The following IQGAP2 variants were observed in gnomAD, a reference collection of about 807,000 sequenced individuals.
IQGAP2 encodes the protein ras GTPase-activating-like protein IQGAP2.
A neutral mutation model predicts 201.3 loss-of-function variants in IQGAP2; 173 were observed. That is an observed-to-expected ratio of 0.86 (90% CI 0.76 to 0.98). The LOEUF is 0.98. IQGAP2 is among the 50% of genes least tolerant of loss of function. The pLI is 0.00. For missense variants in IQGAP2, 1,687 were observed against 1,864.8 expected (o/e 0.90, Z 1.76); for synonymous variants, 675 against 673.9 (o/e 1.00, Z -0.03).
intron 2 of IQGAP2, among the ~76,000 whole-genome samples, chr5:76,475,536 C>T (rs568978374): frequency 2.6e-5 from 4 of 152,188 alleles, no homozygotes; most frequent in South Asian, 2.1e-4. Flanking sequence ...AAGATCGAGA[C>T]CCACCAGGGG....
rs111474139 is a variant in IQGAP2, at chr5:76,609,495, A to G, written c.1358-1525A>G. 8.7e-3 allele frequency among the ~76,000 whole-genome samples: 1,320 copies of G among 152,310 alleles called. 27 individuals carry two copies. The highest frequency in any genetic ancestry group is 0.03 in the African/African-American group (1,232 of 41,568). On this transcript the variant is annotated intron_variant, in intron 12 of 35. Transcript: ENST00000274364. ...GATGGTTTCATTCTTCTTACAGGTAAATCTTTTCATTCTTAACGAAGTGGT... is the reference window on the plus strand; with the variant it reads ...GATGGTTTCATTCTTCTTACAGGTAGATCTTTTCATTCTTAACGAAGTGGT...
chr5:76,555,502 A>G (rs1353049640), intron 2 of IQGAP2, among the ~76,000 whole-genome samples: 1 of 152,202 alleles, frequency 6.6e-6, no homozygotes, highest in African/African-American at 2.4e-5. Flanking sequence ...TGATTGTTAC[A>G]GGAAGTTTGA....
chr5:76,452,808 C>T (rs944127285), intron 1 of IQGAP2, among the ~76,000 whole-genome samples: 1 of 151,990 alleles, frequency 6.6e-6, no homozygotes, highest in African/African-American at 2.4e-5. Flanking sequence ...CTGCCATTTA[C>T]CTGTTTTTAT....
At chr5:76,517,689 T>C (rs997875281) in intron 2 of IQGAP2, among the ~76,000 whole-genome samples, 1 of 148,746 alleles carries the variant, frequency 6.7e-6, no homozygotes, top group Non-Finnish European at 1.5e-5. Context: ...ACCAGAGGAG[T>C]TGGGAATTGG....
At chr5:76,513,648 A>G (rs1758124820) in intron 2 of IQGAP2, among the ~76,000 whole-genome samples, 1 of 152,214 alleles carries the variant, frequency 6.6e-6, no homozygotes, top group Non-Finnish European at 1.5e-5. Context: ...AGTACATGAC[A>G]CCGTGGAAAA....
intron 30 of IQGAP2, among the ~76,000 whole-genome samples, chr5:76,692,017 A>T (rs1437158046): frequency 1.3e-5 from 2 of 152,254 alleles, no homozygotes; most frequent in East Asian, 3.8e-4. Flanking sequence ...ACTCTGAAAT[A>T]ACTAAAGTTA....
intron 1 of IQGAP2, among the ~76,000 whole-genome samples, chr5:76,459,894 C>T (rs1754333628): frequency 6.6e-6 from 1 of 152,158 alleles, no homozygotes; most frequent in Non-Finnish European, 1.5e-5. Context: ...CTGCCTCGAC[C>T]TCCCAAAGTG....
intron 2 of IQGAP2, among the ~76,000 whole-genome samples, chr5:76,554,649 AAGAC>A (rs990058497): frequency 2.6e-5 from 4 of 152,244 alleles, no homozygotes; most frequent in Non-Finnish European, 4.4e-5. Context: ...TGTAATCAAA[AAGAC>A]AGAAGAATAT....
intron 1 of IQGAP2, among the ~76,000 whole-genome samples, chr5:76,441,749 T>C (rs568929790): frequency 2.0e-5 from 3 of 152,238 alleles, no homozygotes; most frequent in East Asian, 1.9e-4. Context: ...GTAAAAGATA[T>C]CAAAACTAAA....
chr5:76,429,076 C>CAA (rs58775525), intron 1 of IQGAP2, among the ~76,000 whole-genome samples: 101,350 of 138,114 alleles, frequency 0.73, 39,353 homozygotes, highest in Non-Finnish European at 0.88. Flanking sequence ...GACTCTGTCT[C>CAA]AAAAAAAAAA....
chr5:76,420,462 G>A (rs904683572), intron 1 of IQGAP2, among the ~76,000 whole-genome samples: 4 of 145,578 alleles, frequency 2.7e-5, no homozygotes, highest in Admixed American at 1.4e-4. Context: ...TGCAATCTCC[G>A]CCTCCCGGGT....
intron 20 of IQGAP2, among the ~76,000 whole-genome samples, chr5:76,655,437 A>G (rs1752838095): frequency 6.6e-6 from 1 of 152,074 alleles, no homozygotes; most frequent in Non-Finnish European, 1.5e-5. Context: ...TTCACAGAAT[A>G]ATTTTTAATT....
chr5:76,503,028 G>A (rs1021343877), intron 2 of IQGAP2, among the ~76,000 whole-genome samples: 4 of 151,962 alleles, frequency 2.6e-5, no homozygotes, highest in Admixed American at 6.6e-5. Flanking sequence ...TTACAGGCAT[G>A]AGACACCATG....
chr5:76,609,257 G>C, intron 12 of IQGAP2: 1 of 1,535,064 alleles, frequency 6.5e-7, no homozygotes, highest in Non-Finnish European at 8.7e-7. Context: ...ACCCAAGGGG[G>C]GTGACCAGAG....
At chr5:76,706,481 G>A (rs1747910902) in intron 35 of IQGAP2, among the ~76,000 whole-genome samples, 1 of 152,032 alleles carries the variant, frequency 6.6e-6, no homozygotes, top group African/African-American at 2.4e-5. Flanking sequence ...CTGAGTAGCT[G>A]GGATTACAAG....
intron 4 of IQGAP2, among the ~76,000 whole-genome samples, chr5:76,572,444 G>T (rs367609349): frequency 1.3e-5 from 2 of 149,986 alleles, no homozygotes; most frequent in African/African-American, 4.9e-5. Context: ...GATTACAGGC[G>T]TGAGCCACTG....
At chr5:76,572,893 G>T (rs1745213272) in intron 4 of IQGAP2, among the ~76,000 whole-genome samples, 1 of 152,160 alleles carries the variant, frequency 6.6e-6, no homozygotes, top group Non-Finnish European at 1.5e-5. Context: ...ATTTATTAAT[G>T]CCCATTTTTA....
At chr5:76,463,053 G>A (rs1290447069) in intron 2 of IQGAP2, among the ~76,000 whole-genome samples, 1 of 150,346 alleles carries the variant, frequency 6.7e-6, no homozygotes, top group Non-Finnish European at 1.5e-5. Context: ...AGCCTGGGAG[G>A]TGGAGGCTGC....
chr5:76,447,825 C>T (rs1385229383), intron 1 of IQGAP2, among the ~76,000 whole-genome samples: 2 of 152,166 alleles, frequency 1.3e-5, no homozygotes, highest in South Asian at 2.1e-4. Flanking sequence ...ATTTTAAATA[C>T]TGAAACACAG....
Sources: allele counts gnomAD v4.1 joint callset (sites outside exome capture counted in the v4.1 genomes callset), GRCh38; gene constraint gnomAD v4.1.1; transcripts MANE v1.5; gene names NCBI Gene and HGNC (gene_info 2026-07-23, HGNC 2026-07-21).